Variants in EPM2A observed in about 807,000 individuals in gnomAD.
The protein encoded by EPM2A is EPM2A glucan phosphatase, laforin.
A neutral mutation model predicts 26.5 loss-of-function variants in EPM2A; 21 were observed. The ratio of observed to expected loss-of-function variants is 0.79; its 90% CI spans 0.56 to 1.14. EPM2A has a LOEUF of 1.14. EPM2A is among the 50% of genes most tolerant of loss of function. EPM2A has a pLI of 0.00. For synonymous variants in EPM2A, 217 were observed against 177.6 expected (o/e 1.22, Z -1.76); for missense variants, 458 against 440.8 (o/e 1.04, Z -0.35).
At chr6:145,725,853 G>A (rs1160767883) in intron 1 of EPM2A, among the ~76,000 whole-genome samples, 1 of 151,934 alleles carries the variant, frequency 6.6e-6, no homozygotes, top group Non-Finnish European at 1.5e-5. Flanking sequence ...ACATGACACT[G>A]TGCATCATCA....
chr6:145,473,277 C>G (rs2114727085), intron 4 of EPM2A, among the ~76,000 whole-genome samples: 1 of 150,456 alleles, frequency 6.6e-6, no homozygotes, highest in East Asian at 2.0e-4. Flanking sequence ...AAGAATACAT[C>G]AGAGTACTTT....
chr6:145,568,875 C>A (rs1385790610), intron 2 of EPM2A, among the ~76,000 whole-genome samples: 1 of 152,216 alleles, frequency 6.6e-6, no homozygotes, highest in East Asian at 1.9e-4. Flanking sequence ...CAATAAGACG[C>A]CTTGGATGGA....
intron 3 of EPM2A, among the ~76,000 whole-genome samples, chr6:145,634,277 A>G (rs183853024): frequency 5.9e-5 from 9 of 152,192 alleles, no homozygotes; most frequent in African/African-American, 2.2e-4. Flanking sequence ...CAAGTACCCT[A>G]TTCTACAACC....
chr6:145,534,970 C>A (rs954026939), intron 2 of EPM2A, among the ~76,000 whole-genome samples: 1 of 152,196 alleles, frequency 6.6e-6, no homozygotes, highest in African/African-American at 2.4e-5. Flanking sequence ...ACTAACAGAG[C>A]AGGCACATGA....
intron 2 of EPM2A, among the ~76,000 whole-genome samples, chr6:145,641,870 A>G (rs1265716294): frequency 2.0e-5 from 3 of 152,078 alleles, no homozygotes; most frequent in Non-Finnish European, 4.4e-5. Context: ...TTGGTACTGA[A>G]GTTCTGGGGT....
chr6:145,594,878 T>C (rs958735717), intron 2 of EPM2A, among the ~76,000 whole-genome samples: 4 of 151,920 alleles, frequency 2.6e-5, no homozygotes, highest in Admixed American at 6.5e-5. Flanking sequence ...ATGGTTTACA[T>C]AGTGAGGATT....
chr6:145,394,557 A>G (rs1231214980), intron 4 of EPM2A, among the ~76,000 whole-genome samples: 1 of 152,136 alleles, frequency 6.6e-6, no homozygotes, highest in Non-Finnish European at 1.5e-5. Context: ...AATCCCCTGC[A>G]TTATCCCTTG....
intron 4 of EPM2A, among the ~76,000 whole-genome samples, chr6:145,443,539 G>A (rs554760003): frequency 1.3e-5 from 2 of 152,248 alleles, no homozygotes; most frequent in Admixed American, 6.5e-5. Flanking sequence ...CTTGGGTGCT[G>A]TTACTGTATA....
intron 2 of EPM2A, among the ~76,000 whole-genome samples, chr6:145,664,570 T>G (rs1256594281): frequency 6.7e-6 from 1 of 149,718 alleles, no homozygotes; most frequent in Non-Finnish European, 1.5e-5. Context: ...AATGGGAGAC[T>G]TTAACACCCC....
chr6:145,402,357 T>C (rs1369943602), intron 4 of EPM2A, among the ~76,000 whole-genome samples: 2 of 152,104 alleles, frequency 1.3e-5, no homozygotes, highest in Non-Finnish European at 2.9e-5. Context: ...AACTGACTAG[T>C]ACCCTTCAAA....
At chr6:145,446,399 AT>A (rs1192859310) in intron 4 of EPM2A, among the ~76,000 whole-genome samples, 1 of 152,118 alleles carries the variant, frequency 6.6e-6, no homozygotes, top group African/African-American at 2.4e-5. Context: ...TGTTTCTATC[AT>A]TTGTTTTTTC....
At chr6:145,395,093 AC>A (rs1778387280) in intron 4 of EPM2A, among the ~76,000 whole-genome samples, 1 of 93,026 alleles carries the variant, frequency 1.1e-5, no homozygotes, top group African/African-American at 3.9e-5. Flanking sequence ...CTAAACAACA[AC>A]CCTTCTCACC....
At chr6:145,558,216 A>T (rs1384885311) in intron 2 of EPM2A, among the ~76,000 whole-genome samples, 1 of 150,670 alleles carries the variant, frequency 6.6e-6, no homozygotes, top group African/African-American at 2.4e-5. Flanking sequence ...ATCTCGTGAG[A>T]CTTATTCAGT....
At chr6:145,549,666 A>G (rs1003799245) in intron 2 of EPM2A, among the ~76,000 whole-genome samples, 1 of 152,182 alleles carries the variant, frequency 6.6e-6, no homozygotes, top group Non-Finnish European at 1.5e-5. Context: ...AGAGCTGAGC[A>G]TAGGAAAATT....
At chr6:145,547,664 G>C (rs1365721348) in intron 2 of EPM2A, among the ~76,000 whole-genome samples, 3 of 152,058 alleles carry the variant, frequency 2.0e-5, no homozygotes, top group Non-Finnish European at 4.4e-5. Flanking sequence ...TTGATGAATA[G>C]AGACAACTAT....
At chr6:145,699,834 A>T (rs1781814566) in intron 1 of EPM2A, among the ~76,000 whole-genome samples, 1 of 152,222 alleles carries the variant, frequency 6.6e-6, no homozygotes, top group Non-Finnish European at 1.5e-5. Flanking sequence ...TTAGTTAATG[A>T]TTCATGATGA....
At chr6:145,670,984 G>C in intron 2 of EPM2A, 1 of 983,100 alleles carries the variant, frequency 1.0e-6, no homozygotes, top group Non-Finnish European at 1.2e-6. Flanking sequence ...TGTAATCTTG[G>C]TCTTAAGATT....
chr6:145,496,728 A>ATGTTTTTTTTTTTTTTTT (rs779194973), downstream of EPM2A, among the ~76,000 whole-genome samples: 383 of 106,842 alleles, frequency 3.6e-3, 82 homozygotes, highest in Middle Eastern at 0.027. Context: ...AGTTCCTGCA[A>ATGTTTTTTTTTTTTTTTT]TTTTTTTTTT....
At chr6:145,645,377 G>A (rs1777384991) in intron 2 of EPM2A, among the ~76,000 whole-genome samples, 2 of 152,084 alleles carry the variant, frequency 1.3e-5, no homozygotes, top group African/African-American at 2.4e-5. Flanking sequence ...CACAATCATG[G>A]CTCACTGTAG....
Sources: gnomAD v4.1 joint callset for allele counts (sites outside exome capture counted in the v4.1 genomes callset) on GRCh38, gnomAD v4.1.1 for gene constraint, MANE v1.5 for transcripts, NCBI Gene and HGNC (gene_info 2026-07-23, HGNC 2026-07-21) for gene names.